The following MRPS5 variants were observed in gnomAD, a reference collection of about 807,000 sequenced individuals.
MRPS5 encodes small ribosomal subunit protein uS5m.
In MRPS5, 27 loss-of-function variants were observed where a neutral mutation model predicts 51.9. That is an observed-to-expected ratio of 0.52 (90% CI 0.38 to 0.72). The LOEUF (loss-of-function observed/expected upper bound fraction) is 0.72, where lower values mean the gene tolerates loss of function less well. MRPS5 is among the 30% of genes least tolerant of loss of function. The pLI is 0.00. For missense variants in MRPS5, 570 were observed against 545.7 expected, an observed-to-expected ratio of 1.04 and a Z score of -0.44; for synonymous variants, 196 against 193.2, an observed-to-expected ratio of 1.01 and a Z score of -0.12.
intron 1 of MRPS5, among the ~76,000 whole-genome samples, chr2:95,120,652 A>G (rs886749530): frequency 6.6e-6 from 1 of 152,222 alleles, no homozygotes; most frequent in African/African-American, 2.4e-5. Context: ...ATGGGTGCAA[A>G]AACCTTATTG....
chr2:95,117,724 G>T, intron 2 of MRPS5, 141 bp downstream of exon 2: 1 of 677,122 alleles, frequency 1.5e-6, no homozygotes, highest in Non-Finnish European at 2.5e-6. Flanking sequence ...GATTATTGCA[G>T]TAAGACTAAC....
At chr2:95,118,394 C>T (rs1347892408) in intron 1 of MRPS5, among the ~76,000 whole-genome samples, 2 of 152,250 alleles carry the variant, frequency 1.3e-5, no homozygotes, top group South Asian at 2.1e-4. Flanking sequence ...GTCAAAACTC[C>T]TCAGCATGGC....
chr2:95,099,977 T>C (rs2104406077), intron 10 of MRPS5, among the ~76,000 whole-genome samples: 1 of 152,312 alleles, frequency 6.6e-6, no homozygotes, highest in African/African-American at 2.4e-5. Context: ...TAGGCATGAC[T>C]GCCCTAGCCC....
At chr2:95,092,968 A>C (rs1360096858) in intron 10 of MRPS5, 1 of 152,274 alleles carries the variant, frequency 6.6e-6, no homozygotes, top group African/African-American at 2.4e-5. Context: ...AAGCTGTGAC[A>C]GACTGTACCG....
At position 95,085,707 on chromosome 2, in the gene MRPS5, G is replaced by A. The variant is rs771994029; in HGVS notation, c.*1650C>T. 5.9e-5 allele frequency among the ~76,000 whole-genome samples: 9 copies of A among 152,100 alleles called. No individual in the cohort carries two copies. Among genetic ancestry groups the A allele is most frequent in the Non-Finnish European group, 7.3e-5 (5 of 68,028 alleles). Reference sequence around the variant, plus strand: ...ATCTCCATCCTCACCAGGCAGTAACGAGGCAGTGCCCCATCCCATACCAGC... The same window carrying A: ...ATCTCCATCCTCACCAGGCAGTAACAAGGCAGTGCCCCATCCCATACCAGC... On this transcript the variant is annotated 3_prime_UTR_variant, in exon 12 of 12. Transcript: ENST00000272418.
chr2:95,112,174 C>G (rs1287149096), intron 3 of MRPS5, among the ~76,000 whole-genome samples: 1 of 152,118 alleles, frequency 6.6e-6, no homozygotes, highest in Admixed American at 6.5e-5. Flanking sequence ...AAGAGATTCT[C>G]CTGCCTCAGC....
chr2:95,121,961 C>T (rs895719192), upstream of MRPS5: 5 of 738,050 alleles, frequency 6.8e-6, no homozygotes, highest in African/African-American at 5.6e-5. Flanking sequence ...GGCCACACTG[C>T]AGGCGGAGCC....
chr2:95,113,086 C>T (rs1195021991), intron 3 of MRPS5, among the ~76,000 whole-genome samples: 2 of 151,792 alleles, frequency 1.3e-5, no homozygotes, highest in Admixed American at 6.6e-5. Flanking sequence ...GAAGAGAGTC[C>T]GAGGCAGGGG....
chr2:95,121,651 C>T, intron 1 of MRPS5, 83 bp downstream of exon 1: 2 of 1,442,448 alleles, frequency 1.4e-6, no homozygotes, highest in Non-Finnish European at 1.8e-6. Context: ...TCGCTTCCCT[C>T]CGCCCCGACT....
At position 95,110,033 on chromosome 2, in the gene MRPS5, C is replaced by T. The variant is rs373024234; in HGVS notation, c.286G>A (p.Asp96Asn). The T allele has an allele frequency of 1.8e-5, 29 of 1,609,566 alleles. No individual in the cohort carries two copies. The highest frequency in any genetic ancestry group is 2.3e-5 in the Non-Finnish European group (27 of 1,179,072). The change falls in exon 4 of 12, where the codon GAT becomes AAT. Residue 96 changes from aspartate (D) to asparagine (N), a missense_variant. Transcript: ENST00000272418. ...PYSFFTKLTA[D>N]ELWKGALAET... is the part of the protein sequence containing the mutation. ...GCTAAAGCGCCTTTCCACAGCTCAT[C>T]TGCAGTCACTGTAACGAAACAGGGT...
At chr2:95,114,828 A>G (rs1247674784) in intron 3 of MRPS5, among the ~76,000 whole-genome samples, 1 of 152,158 alleles carries the variant, frequency 6.6e-6, no homozygotes, top group African/African-American at 2.4e-5. Context: ...ATGATTCAAT[A>G]CCCTTCAGGC....
At chr2:95,106,363 T>TG in intron 6 of MRPS5, 60 bp downstream of exon 6, 1 of 599,390 alleles carries the variant, frequency 1.7e-6, no homozygotes. Flanking sequence ...GCCCTGTCCC[T>TG]GCCCCACCCA....
At chr2:95,088,939 T>A (rs1336150392) in intron 11 of MRPS5, among the ~76,000 whole-genome samples, 1 of 152,026 alleles carries the variant, frequency 6.6e-6, no homozygotes, top group Non-Finnish European at 1.5e-5. Context: ...TGGTGGCACG[T>A]GCCTGTAGTC....
chr2:95,107,808 T>C (rs1675994285), intron 5 of MRPS5, among the ~76,000 whole-genome samples: 1 of 152,196 alleles, frequency 6.6e-6, no homozygotes, highest in Admixed American at 6.5e-5. Context: ...CTTTGCTGAT[T>C]TCTAGTACAG....
Position 95,085,669 on chromosome 2 carries a change from G to C in MRPS5, c.*1688C>G, listed in dbSNP as rs905608382. Among the ~76,000 whole-genome samples, 3 of 152,128 alleles carry C rather than the reference G, an allele frequency of 2.0e-5. No individual in the cohort carries two copies. Among genetic ancestry groups the C allele is most frequent in the Non-Finnish European group, 2.9e-5 (2 of 68,028 alleles). ...AGCAGAGGTCCCGAGGACAGCGACAGGAGGAAACCTGGATCTCCATCCTCA... is the reference window on the plus strand; with the variant it reads ...AGCAGAGGTCCCGAGGACAGCGACACGAGGAAACCTGGATCTCCATCCTCA... On this transcript the variant is annotated 3_prime_UTR_variant, in exon 12 of 12. Coordinates refer to ENST00000272418, the MANE Select transcript of MRPS5 (RefSeq NM_031902.5).
At chr2:95,115,951 A>T (rs1676274498) in intron 2 of MRPS5, among the ~76,000 whole-genome samples, 1 of 151,004 alleles carries the variant, frequency 6.6e-6, no homozygotes, top group South Asian at 2.1e-4. Context: ...TTGTCACCCA[A>T]GCTGGATTGC....
rs1675960791 is a variant in MRPS5 at position 95,106,707 on chromosome 2, G to A, written c.638-250C>T. On this transcript the variant is annotated intron_variant, in intron 5 of 11. Transcript: ENST00000272418. ...CCCATCCATCTCTCATCAGCTCCTG[G>A]CCCCTCCAGACCCTGGATCCCTGCT... 5 of 539,806 alleles carry A rather than the reference G, an allele frequency of 9.3e-6. No individual in the cohort carries two copies. In the Admixed American group the frequency reaches 1.3e-4, roughly 14 times the overall value. The allele number at this position is 539,806 out of a possible 1,614,324, so 33.4% of individuals were successfully genotyped here. A position where few individuals can be genotyped will look rare whatever the true frequency, so the allele number is the denominator to read the frequency against.
At chr2:95,106,190 C>A (rs775762740) in intron 6 of MRPS5, among the ~76,000 whole-genome samples, 10 of 152,174 alleles carry the variant, frequency 6.6e-5, no homozygotes, top group Non-Finnish European at 1.3e-4. Context: ...AACAATACCA[C>A]CTTATGAGAC....
At chr2:95,098,962 A>C (rs1675714093) in intron 10 of MRPS5, among the ~76,000 whole-genome samples, 1 of 147,956 alleles carries the variant, frequency 6.8e-6, no homozygotes, top group African/African-American at 2.5e-5. Flanking sequence ...TCTTTTACCC[A>C]AGCTGGACTG....
Sources: gnomAD v4.1 joint callset for allele counts (sites outside exome capture counted in the v4.1 genomes callset) on GRCh38, gnomAD v4.1.1 for gene constraint, MANE v1.5 for transcripts, NCBI Gene and HGNC (gene_info 2026-07-23, HGNC 2026-07-21) for gene names.